TOGARAM2: variants seen among roughly 807,000 people sequenced by gnomAD.
TOGARAM2 encodes TOG array regulator of axonemal microtubules 2.
A neutral mutation model predicts 93.3 loss-of-function variants in TOGARAM2; 85 were observed. The ratio of observed to expected loss-of-function variants is 0.91; its 90% CI spans 0.76 to 1.09. The LOEUF (loss-of-function observed/expected upper bound fraction) is 1.09. TOGARAM2 is among the 50% of genes least tolerant of loss of function. TOGARAM2 has a pLI of 0.00. For missense variants in TOGARAM2, 1,277 were observed against 1,334.5 expected (o/e 0.96, Z 0.67); for synonymous variants, 593 against 552.8 (o/e 1.07, Z -1.02).
At position 29,017,290 on chromosome 2, in the gene TOGARAM2, C is replaced by T. The variant is rs1382582661; in HGVS notation, c.1181C>T (p.Ala394Val). 6.2e-7 allele frequency: 1 copy of T among 1,607,678 alleles called. No individual in the cohort carries two copies. The highest frequency in any genetic ancestry group is 2.2e-5 in the East Asian group (1 of 44,726). ...LTSQCLGSQR[A>V]FMKEGLLPLR... ...TCCCAGTGCCTGGGCTCCCAGAGAG[C>T]CTTCATGAAGGAAGGTACTGGGTGC... is the stretch of plus-strand genomic sequence containing the variant. The change falls in exon 9 of 20, where the codon GCC becomes GTC. Residue 394 changes from alanine to valine, a missense_variant. Physicochemically the swap from Ala to Val is moderately conservative, Grantham distance 64. Coordinates refer to ENST00000379558, the MANE Select transcript of TOGARAM2 (RefSeq NM_199280.4).
intron 3 of TOGARAM2, among the ~76,000 whole-genome samples, chr2:28,998,561 A>C (rs934309725): frequency 6.6e-6 from 1 of 152,172 alleles, no homozygotes; most frequent in African/African-American, 2.4e-5. Flanking sequence ...ATGTCCACTC[A>C]GCGTCTCTGC....
intron 3 of TOGARAM2, 30 bp downstream of exon 3, chr2:28,998,283 G>A: frequency 6.5e-7 from 1 of 1,529,586 alleles, no homozygotes; most frequent in Non-Finnish European, 8.9e-7. Flanking sequence ...CCTGGTCAGG[G>A]CCCCTGGCCT....
intron 1 of TOGARAM2, among the ~76,000 whole-genome samples, chr2:28,976,037 T>C (rs1672021355): frequency 6.6e-6 from 1 of 152,256 alleles, no homozygotes; most frequent in South Asian, 2.1e-4. Context: ...AGGAGCATTT[T>C]ACACATTTTC....
rs1238494507 is a variant in TOGARAM2 at position 29,014,577 on chromosome 2, G to T, written c.1044+16G>T. 1 of 1,558,180 alleles carries T rather than the reference G, an allele frequency of 6.4e-7. No homozygotes were observed. Among genetic ancestry groups the T allele is most frequent in the South Asian group, 1.2e-5 (1 of 84,620 alleles). ...CGGCACCAAGGTACCTGGGGAGCGG[G>T]AGGAGGAGGAAGTGGGGCTGGAGTG... On this transcript the variant is annotated intron_variant, in intron 8 of 19. Transcript: ENST00000379558.
intron 19 of TOGARAM2, 21 bp downstream of exon 19, chr2:29,045,431 C>T: frequency 4.4e-6 from 7 of 1,598,544 alleles, no homozygotes; most frequent in Non-Finnish European, 6.0e-6. Context: ...CCAGCCCCAC[C>T]CCACCCCATC....
In TOGARAM2 at chr2:29,014,489, CT is replaced by C; in HGVS notation, c.974del (p.Phe325SerfsTer13). On this transcript the variant is annotated frameshift_variant, in exon 8 of 20. Coordinates refer to ENST00000379558, the MANE Select transcript of TOGARAM2 (RefSeq NM_199280.4). LOFTEE classifies it high-confidence loss of function. ...CTCAGTCTGCTCCCACGCTGACAGCCTTCTCCTTTGACTGTGCCAGAGAAGC... is the reference window on the plus strand; with the variant it reads ...CTCAGTCTGCTCCCACGCTGACAGCCTCTCCTTTGACTGTGCCAGAGAAGC... ...FSQSAPTLTA[F>X]SFDCAREACP... 1.9e-6 allele frequency: 3 copies of C among 1,590,368 alleles called. No homozygotes were observed. The highest frequency in any genetic ancestry group is 2.6e-6 in the Non-Finnish European group (3 of 1,168,612).
chr2:29,001,611 C>T (rs1268617229), intron 4 of TOGARAM2, among the ~76,000 whole-genome samples: 1 of 152,158 alleles, frequency 6.6e-6, no homozygotes, highest in African/African-American at 2.4e-5. Flanking sequence ...AGCGATTCTC[C>T]TGCCTCAGCC....
chr2:28,972,111 C>G (rs1671953220), intron 1 of TOGARAM2, among the ~76,000 whole-genome samples: 1 of 152,090 alleles, frequency 6.6e-6, no homozygotes. Flanking sequence ...TTTTTTGAGA[C>G]AGGGTCTCAC....
chr2:28,975,492 G>T (rs60206408), intron 1 of TOGARAM2, among the ~76,000 whole-genome samples: 1 of 151,902 alleles, frequency 6.6e-6, no homozygotes, highest in Non-Finnish European at 1.5e-5. Flanking sequence ...GAGCCACTGC[G>T]CCCGGCCGAG....
chr2:28,996,813 A>AAG (rs1240818366), intron 2 of TOGARAM2, among the ~76,000 whole-genome samples: 24 of 151,268 alleles, frequency 1.6e-4, no homozygotes, highest in Non-Finnish European at 3.0e-5. Flanking sequence ...AAAAAAAAAA[A>AAG]AAAAAAAAAA....
chr2:28,995,521 CG>C (rs1553336879), intron 2 of TOGARAM2, among the ~76,000 whole-genome samples: 1 of 152,162 alleles, frequency 6.6e-6, no homozygotes, highest in Non-Finnish European at 1.5e-5. Context: ...CAGAACTCCC[CG>C]GGGCTTCGAC....
At chr2:29,000,916 T>C (rs191380283) in intron 4 of TOGARAM2, among the ~76,000 whole-genome samples, 9 of 152,244 alleles carry the variant, frequency 5.9e-5, no homozygotes, top group Non-Finnish European at 1.5e-5. Flanking sequence ...ACTCTCTCCC[T>C]TAGGGGCTTG....
rs942753199 is a variant in TOGARAM2, at chr2:29,033,534, G to A, written c.2196G>A (p.Val732=). The part of the protein sequence containing the change: ...KGRKVLRSLV[V]CENGLPIKEG... ...GCAAGGTGTTGAGGAGTCTGGTGGTGTGTGAGAACGGGCTGCCCATCAAGG... is the reference window on the plus strand; with the variant it reads ...GCAAGGTGTTGAGGAGTCTGGTGGTATGTGAGAACGGGCTGCCCATCAAGG... Residue 732 remains valine (V), a synonymous_variant, in exon 16 of 20, where the codon GTG becomes GTA. Transcript: ENST00000379558. The A allele has an allele frequency of 6.2e-7, 1 of 1,613,720 alleles. No homozygotes were observed. The highest frequency in any genetic ancestry group is 1.3e-5 in the African/African-American group (1 of 75,044).
At chr2:29,018,156 T>C in intron 10 of TOGARAM2, 200 bp downstream of exon 10, 1 of 609,860 alleles carries the variant, frequency 1.6e-6, no homozygotes, top group Non-Finnish European at 2.8e-6. Context: ...AGGCTGGGCT[T>C]GGGACCCAGG....
chr2:29,000,735 CTGGAGCCG>C (rs1673243713), intron 4 of TOGARAM2, among the ~76,000 whole-genome samples: 1 of 152,154 alleles, frequency 6.6e-6, no homozygotes, highest in African/African-American at 2.4e-5. Context: ...GAGCCTCTCC[CTGGAGCCG>C]TGGGGTGTCT....
intron 10 of TOGARAM2, among the ~76,000 whole-genome samples, chr2:29,019,177 C>CTTTTTTT (rs61378143): frequency 8.2e-5 from 10 of 121,702 alleles, no homozygotes; most frequent in Non-Finnish European, 1.2e-4. Flanking sequence ...CCAACTGACT[C>CTTTTTTT]TTTTTTTTTT....
At chr2:29,043,046 T>A (rs766474811) in intron 18 of TOGARAM2, among the ~76,000 whole-genome samples, 29 of 152,214 alleles carry the variant, frequency 1.9e-4, no homozygotes, top group Non-Finnish European at 3.8e-4. Context: ...GAGGAAGAAG[T>A]CCTTGTCTTC....
chr2:28,972,989 G>A (rs781745130), intron 1 of TOGARAM2, among the ~76,000 whole-genome samples: 1 of 152,144 alleles, frequency 6.6e-6, no homozygotes, highest in Non-Finnish European at 1.5e-5. Context: ...CCAATCCCTC[G>A]TGGCTGGTTA....
upstream of TOGARAM2, among the ~76,000 whole-genome samples, chr2:28,980,366 T>C (rs1324708672): frequency 3.3e-5 from 5 of 152,176 alleles, no homozygotes; most frequent in African/African-American, 9.7e-5. Context: ...CCAGGCCTCG[T>C]GGGGTGTAGT....
Sources: allele counts gnomAD v4.1 joint callset (sites outside exome capture counted in the v4.1 genomes callset), GRCh38; gene constraint gnomAD v4.1.1; transcripts MANE v1.5; gene names NCBI Gene and HGNC (gene_info 2026-07-23, HGNC 2026-07-21).